PCDHA7: variants seen among roughly 807,000 people sequenced by gnomAD.
PCDHA7 encodes protocadherin alpha-7.
Under a neutral mutation model 57.2 loss-of-function variants are expected in PCDHA7, and 37 were observed. That is an observed-to-expected ratio of 0.65 (90% confidence interval 0.50 to 0.85). The LOEUF is 0.85. Among genes scored for constraint, PCDHA7 ranks in the 40% least tolerant of loss-of-function variants. The probability of loss-of-function intolerance (pLI) is 0.00; values close to 1 mark genes in which losing one functional copy is unlikely to be tolerated. For synonymous variants in PCDHA7, 553 were observed against 558.8 expected, an observed-to-expected ratio of 0.99 and a Z score of 0.15; for missense variants, 1,188 against 1,241.8, an observed-to-expected ratio of 0.96 and a Z score of 0.65.
intron 1 of PCDHA7, among the ~76,000 whole-genome samples, chr5:140,951,285 A>T (rs1267785922): frequency 6.6e-6 from 1 of 152,100 alleles, no homozygotes; most frequent in East Asian, 1.9e-4. Context: ...GTAATTTTGG[A>T]TTATATCTTG....
chr5:140,978,182 AC>A (rs1240611427), intron 1 of PCDHA7, among the ~76,000 whole-genome samples: 1 of 152,186 alleles, frequency 6.6e-6, no homozygotes, highest in African/African-American at 2.4e-5. Context: ...AGAGAGGGCA[AC>A]AGATCTTTTC....
intron 1 of PCDHA7, chr5:140,877,716 G>A: frequency 6.2e-7 from 1 of 1,614,116 alleles, no homozygotes; most frequent in Non-Finnish European, 8.5e-7. Context: ...TGGGGAGTTG[G>A]TCTTACTCGC....
chr5:141,000,782 C>T (rs149032263), intron 3 of PCDHA7, among the ~76,000 whole-genome samples: 174 of 152,002 alleles, frequency 1.1e-3, no homozygotes, highest in African/African-American at 3.9e-3. Flanking sequence ...TGGCGCACAC[C>T]TGTATTCCTA....
rs148820707 is a variant in PCDHA7, at chr5:140,954,545, G to A, written c.2356-24404G>A. ...AGTGATGTTGAGGTTTTTTTCATAT[G>A]TTTGTTGGCTGCATGACTGTCTTCT... On this transcript the variant is annotated intron_variant, in intron 1 of 3. Coordinates refer to ENST00000525929, the MANE Select transcript of PCDHA7 (RefSeq NM_018910.3). 4.6e-3 allele frequency among the ~76,000 whole-genome samples: 702 copies of A among 152,204 alleles called. 2 individuals are homozygous for A. The highest frequency in any genetic ancestry group is 0.016 in the African/African-American group (679 of 41,554).
intron 1 of PCDHA7, chr5:140,870,703 G>A (rs899824906): frequency 1.2e-6 from 2 of 1,612,916 alleles, no homozygotes; most frequent in East Asian, 2.2e-5. Context: ...ACAGTTCCAG[G>A]TGAGCGCGCG....
At chr5:140,933,863 A>G (rs2089469278) in intron 1 of PCDHA7, among the ~76,000 whole-genome samples, 1 of 151,666 alleles carries the variant, frequency 6.6e-6, no homozygotes, top group Non-Finnish European at 1.5e-5. Context: ...ATTTTTTCAG[A>G]TATATGTTAG....
intron 1 of PCDHA7, among the ~76,000 whole-genome samples, chr5:140,915,392 A>AT (rs1554196880): frequency 6.6e-6 from 1 of 152,072 alleles, no homozygotes; most frequent in African/African-American, 2.4e-5. Context: ...AGAGCTAGGT[A>AT]TTTCTTATAG....
At chr5:141,000,419 ATATTTTTT>A (rs1194100555) in intron 3 of PCDHA7, among the ~76,000 whole-genome samples, 4 of 60,996 alleles carry the variant, frequency 6.6e-5, no homozygotes, top group African/African-American at 2.3e-4. Flanking sequence ...ATATATATAT[ATATTTTTT>A]TTTTTTTTTT....
Position 140,888,304 on chromosome 5 carries a change from T to C in PCDHA7, c.2355+51566T>C, listed in dbSNP as rs560267265. Among the ~76,000 whole-genome samples the C allele has an allele frequency of 9.2e-5, 14 of 152,272 alleles. No homozygotes were observed. The South Asian group carries it at 2.7e-3, about 29-fold the overall frequency. On this transcript the variant is annotated intron_variant, in intron 1 of 3. Transcript: ENST00000525929. The stretch of plus-strand genomic sequence containing the variant: ...CCTCTACCCCCTACCCAGGAGATAA[T>C]TTGGCAATGCCTGGATACATTTTTG...
intron 1 of PCDHA7, chr5:140,848,634 C>A (rs1364235763): frequency 1.1e-5 from 17 of 1,593,322 alleles, no homozygotes; most frequent in Non-Finnish European, 1.5e-5. Context: ...CTTCGTGGGC[C>A]GCATCGCGCA....
At chr5:140,879,229 T>C (rs1415984062) in intron 1 of PCDHA7, among the ~76,000 whole-genome samples, 2 of 152,102 alleles carry the variant, frequency 1.3e-5, no homozygotes, top group African/African-American at 2.4e-5. Context: ...AAAAGACATA[T>C]ACAAGAGGCA....
At chr5:140,877,332 C>T (rs2057040352) in intron 1 of PCDHA7, 1 of 1,613,990 alleles carries the variant, frequency 6.2e-7, no homozygotes. Context: ...GCGCGCACAT[C>T]CCGTTCCACG....
At chr5:140,936,512 A>G (rs575884793) in intron 1 of PCDHA7, among the ~76,000 whole-genome samples, 1 of 152,324 alleles carries the variant, frequency 6.6e-6, no homozygotes, top group Non-Finnish European at 1.5e-5. Context: ...TAGATCTTAA[A>G]TTACCTGAAA....
At chr5:140,929,057 C>T (rs17844370) in intron 1 of PCDHA7, 1 of 1,614,070 alleles carries the variant, frequency 6.2e-7, no homozygotes, top group Non-Finnish European at 8.5e-7. Flanking sequence ...TGTCGCTCTA[C>T]AGAGGATCTG....
chr5:140,944,929 C>T (rs1387660974), intron 1 of PCDHA7, among the ~76,000 whole-genome samples: 1 of 152,052 alleles, frequency 6.6e-6, no homozygotes, highest in Non-Finnish European at 1.5e-5. Flanking sequence ...TGGTTTATGC[C>T]TTCTTTAGAT....
intron 3 of PCDHA7, among the ~76,000 whole-genome samples, chr5:141,003,440 T>G (rs1194575812): frequency 6.6e-6 from 1 of 152,100 alleles, no homozygotes; most frequent in Non-Finnish European, 1.5e-5. Flanking sequence ...GCCTCCCAAG[T>G]AGATGAAATT....
chr5:140,895,668 T>C (rs2065102216), intron 1 of PCDHA7, among the ~76,000 whole-genome samples: 1 of 152,170 alleles, frequency 6.6e-6, no homozygotes, highest in South Asian at 2.1e-4. Flanking sequence ...TGAGAACATG[T>C]AGTATTTGGT....
chr5:140,870,714 C>G (rs2052324296), intron 1 of PCDHA7: 3 of 1,613,110 alleles, frequency 1.9e-6, no homozygotes, highest in Non-Finnish European at 8.5e-7. Context: ...TGAGCGCGCG[C>G]GATGCGGGCG....
chr5:140,852,681 T>A, intron 1 of PCDHA7: 1 of 968,122 alleles, frequency 1.0e-6, no homozygotes, highest in Non-Finnish European at 1.2e-6. Context: ...TCACCTTGAA[T>A]ATAGTCTTAT....
Sources: allele counts gnomAD v4.1 joint callset (sites outside exome capture counted in the v4.1 genomes callset), GRCh38; gene constraint gnomAD v4.1.1; transcripts MANE v1.5; gene names NCBI Gene and HGNC (gene_info 2026-07-23, HGNC 2026-07-21).